The following APPL2 variants were observed in gnomAD, a reference collection of about 807,000 sequenced individuals.
APPL2 encodes the protein DCC-interacting protein 13-beta.
APPL2 carries 84 observed loss-of-function variants against 92.7 expected under a neutral mutation model. The observed-to-expected ratio is 0.91, with a 90% CI of 0.76 to 1.09. APPL2 has a LOEUF of 1.09. APPL2 is among the 50% of genes least tolerant of loss of function. The probability of loss-of-function intolerance (pLI) is 0.00; values close to 1 mark genes in which losing one functional copy is unlikely to be tolerated. For synonymous variants in APPL2, 291 were observed against 291.0 expected, an observed-to-expected ratio of 1.00 and a Z score of 0.00; for missense variants, 736 against 824.5, an observed-to-expected ratio of 0.89 and a Z score of 1.31.
intron 2 of APPL2, among the ~76,000 whole-genome samples, chr12:105,218,713 G>A (rs1376353729): frequency 6.6e-6 from 1 of 152,240 alleles, no homozygotes; most frequent in African/African-American, 2.4e-5. Flanking sequence ...TGGAAGCACA[G>A]TGGGGACTGA....
intron 2 of APPL2, among the ~76,000 whole-genome samples, chr12:105,225,932 A>G (rs984096944): frequency 6.6e-6 from 1 of 152,214 alleles, no homozygotes; most frequent in African/African-American, 2.4e-5. Flanking sequence ...TCTTTTATGA[A>G]CACTTATCAT....
chr12:105,182,642 C>G (rs1349883510), intron 17 of APPL2, among the ~76,000 whole-genome samples: 1 of 152,104 alleles, frequency 6.6e-6, no homozygotes, highest in Non-Finnish European at 1.5e-5. Context: ...GATTTCTGTT[C>G]TTTTGCATTT....
At chr12:105,179,993 A>C (rs1382893963) in intron 17 of APPL2, among the ~76,000 whole-genome samples, 1 of 152,136 alleles carries the variant, frequency 6.6e-6, no homozygotes, top group Non-Finnish European at 1.5e-5. Context: ...CCCATTTGTC[A>C]ATTTTGGCTT....
At chr12:105,222,759 G>A (rs779052584) in intron 2 of APPL2, among the ~76,000 whole-genome samples, 45 of 152,186 alleles carry the variant, frequency 3.0e-4, no homozygotes, top group Admixed American at 2.6e-4. Flanking sequence ...AGGAAACCCC[G>A]TCATTATGTC....
At chr12:105,183,885 C>T (rs1886356766) in intron 17 of APPL2, among the ~76,000 whole-genome samples, 2 of 152,328 alleles carry the variant, frequency 1.3e-5, no homozygotes, top group South Asian at 4.1e-4. Flanking sequence ...CTGTCACTTT[C>T]AGGTACACCA....
chr12:105,174,860 T>A (rs1885347336), intron 20 of APPL2, among the ~76,000 whole-genome samples: 1 of 127,200 alleles, frequency 7.9e-6, no homozygotes. Flanking sequence ...TCCATGCTGC[T>A]GCTGCTTTTT....
At chr12:105,207,232 T>G in intron 7 of APPL2, 25 bp from the exon 8 acceptor site, 2 of 1,605,360 alleles carry the variant, frequency 1.2e-6, no homozygotes, top group Non-Finnish European at 1.7e-6. Flanking sequence ...AAAGGAAAAC[T>G]TCAAGTTGTC....
At chr12:105,213,263 A>G (rs993036916) in intron 4 of APPL2, among the ~76,000 whole-genome samples, 1 of 152,220 alleles carries the variant, frequency 6.6e-6, no homozygotes, top group African/African-American at 2.4e-5. Context: ...TTATGTCATC[A>G]GCTTTTAACA....
intron 9 of APPL2, among the ~76,000 whole-genome samples, chr12:105,202,869 C>T (rs1289789209): frequency 6.6e-6 from 1 of 152,232 alleles, no homozygotes; most frequent in Admixed American, 6.5e-5. Context: ...AGATAGACTT[C>T]TACCTAGATC....
At chr12:105,216,458 A>T (rs532940008) in intron 4 of APPL2, among the ~76,000 whole-genome samples, 1 of 152,344 alleles carries the variant, frequency 6.6e-6, no homozygotes, top group African/African-American at 2.4e-5. Flanking sequence ...TATTTGAAAA[A>T]AAGAGTCTTT....
At chr12:105,235,821 C>G (rs1165281602) in intron 1 of APPL2, 138 bp downstream of exon 1, 6 of 586,798 alleles carry the variant, frequency 1.0e-5, no homozygotes, top group Middle Eastern at 5.6e-4. Context: ...CCCGAGAGAA[C>G]CCGGTGGGAG....
chr12:105,190,938 C>A (rs904319984), intron 14 of APPL2, among the ~76,000 whole-genome samples: 2 of 152,202 alleles, frequency 1.3e-5, no homozygotes, highest in African/African-American at 2.4e-5. Flanking sequence ...TTTTAAAAAT[C>A]TTTTCTCCTC....
chr12:105,220,136 C>A (rs1592827639), intron 2 of APPL2, among the ~76,000 whole-genome samples: 1 of 152,360 alleles, frequency 6.6e-6, no homozygotes, highest in Non-Finnish European at 1.5e-5. Flanking sequence ...GGATGTGAAC[C>A]TGGAGCTGTC....
chr12:105,195,690 A>G (rs1159939219), intron 11 of APPL2, 63 bp from the exon 12 acceptor site: 23 of 1,580,758 alleles, frequency 1.5e-5, no homozygotes, highest in Non-Finnish European at 1.9e-5. Flanking sequence ...GAATTTCTCT[A>G]CATAAACTGA....
At chr12:105,179,574 T>C (rs1321979207) in intron 17 of APPL2, among the ~76,000 whole-genome samples, 3 of 152,236 alleles carry the variant, frequency 2.0e-5, no homozygotes, top group East Asian at 3.8e-4. Context: ...TCTTCCACAA[T>C]AGTTGAACTA....
chr12:105,217,828 T>C, intron 2 of APPL2, 103 bp from the exon 3 acceptor site: 2 of 1,063,680 alleles, frequency 1.9e-6, no homozygotes, highest in Non-Finnish European at 2.8e-6. Context: ...ATTGGCTGGG[T>C]CCAGTGGTGC....
chr12:105,214,761 T>TGGC (rs55902531), intron 4 of APPL2, among the ~76,000 whole-genome samples: 27,281 of 152,148 alleles, frequency 0.18, 2,600 homozygotes, highest in East Asian at 0.25. Flanking sequence ...CAACTCCTGG[T>TGGC]GGCCTCCAGG....
chr12:105,219,882 C>G (rs777461892), intron 2 of APPL2, among the ~76,000 whole-genome samples: 1 of 152,244 alleles, frequency 6.6e-6, no homozygotes, highest in Non-Finnish European at 1.5e-5. Context: ...TTCCTGAGGG[C>G]AGCACCATGT....
rs919728800 is a variant in APPL2 at position 105,189,828 on chromosome 12, G to C, written c.1407-4C>G. On this transcript the variant is annotated splice_polypyrimidine_tract_variant and splice_region_variant and intron_variant, in intron 15 of 20. Coordinates refer to ENST00000258530, the MANE Select transcript of APPL2 (RefSeq NM_018171.5). ...TTCACCAAAAGGGTTGGTACGCCTA[G>C]GGGAATAGCCAGAGTTGAACAAACA... 9 of 1,614,046 alleles carry C rather than the reference G, an allele frequency of 5.6e-6. No individual in the cohort carries two copies. Among genetic ancestry groups the C allele is most frequent in the African/African-American group, 1.3e-5 (1 of 74,922 alleles).
Sources: gnomAD v4.1 joint callset for allele counts (sites outside exome capture counted in the v4.1 genomes callset) on GRCh38, gnomAD v4.1.1 for gene constraint, MANE v1.5 for transcripts, NCBI Gene and HGNC (gene_info 2026-07-23, HGNC 2026-07-21) for gene names.